Variants in CNTN6 observed in about 807,000 individuals in gnomAD.
The protein encoded by CNTN6 is contactin-6.
CNTN6 carries 137 observed loss-of-function variants against 122.8 expected under a neutral mutation model. That is an observed-to-expected ratio of 1.12 (90% CI 0.97 to 1.29). The LOEUF (loss-of-function observed/expected upper bound fraction) is 1.29. CNTN6 is among the 50% of genes most tolerant of loss of function. The probability of loss-of-function intolerance (pLI) is 0.00; values close to 1 mark genes in which losing one functional copy is unlikely to be tolerated. For synonymous variants in CNTN6, 570 were observed against 426.0 expected (o/e 1.34, Z -4.16); for missense variants, 1,634 against 1,223.4 (o/e 1.34, Z -5.01).
intron 1 of CNTN6, among the ~76,000 whole-genome samples, chr3:1,102,166 T>A (rs957794092): frequency 1.3e-5 from 2 of 152,196 alleles, no homozygotes; most frequent in Non-Finnish European, 2.9e-5. Flanking sequence ...TTTCAATGCC[T>A]TTTTTGCATA....
chr3:1,249,336 G>C (rs558926904), intron 4 of CNTN6, among the ~76,000 whole-genome samples: 2 of 152,162 alleles, frequency 1.3e-5, no homozygotes, highest in Non-Finnish European at 2.9e-5. Flanking sequence ...TCAAACATAA[G>C]TGCAAGCAGT....
At chr3:1,166,612 A>G (rs2093254769) in intron 2 of CNTN6, among the ~76,000 whole-genome samples, 3 of 152,174 alleles carry the variant, frequency 2.0e-5, no homozygotes, top group Admixed American at 2.0e-4. Flanking sequence ...ATCTATCAGT[A>G]GGGCTAGGGA....
chr3:1,176,199 A>G (rs979238327), intron 2 of CNTN6, among the ~76,000 whole-genome samples: 7 of 152,156 alleles, frequency 4.6e-5, no homozygotes, highest in African/African-American at 1.7e-4. Context: ...GGGCGGATCA[A>G]CTAAGGTCGG....
At chr3:1,401,343 A>G in intron 20 of CNTN6, 90 bp from the exon 21 acceptor site, 1 of 1,004,608 alleles carries the variant, frequency 1.0e-6, no homozygotes, top group Admixed American at 2.2e-5. Context: ...CAAATCATCG[A>G]AGACTTATTT....
At chr3:1,168,557 A>T (rs1200659539) in intron 2 of CNTN6, among the ~76,000 whole-genome samples, 1 of 151,582 alleles carries the variant, frequency 6.6e-6, no homozygotes, top group Non-Finnish European at 1.5e-5. Flanking sequence ...TATAGTCACA[A>T]ATATGTGCAA....
At chr3:1,164,015 T>C (rs1018398546) in intron 2 of CNTN6, among the ~76,000 whole-genome samples, 1 of 152,352 alleles carries the variant, frequency 6.6e-6, no homozygotes, top group Non-Finnish European at 1.5e-5. Flanking sequence ...TCAGAATTTC[T>C]CTTCCCTATC....
chr3:1,171,683 T>G (rs1174776343), intron 2 of CNTN6, among the ~76,000 whole-genome samples: 2 of 152,148 alleles, frequency 1.3e-5, no homozygotes, highest in African/African-American at 4.8e-5. Flanking sequence ...ACAAATTCAT[T>G]GCAGCCTCGA....
At chr3:1,264,452 C>A (rs2094895447) in intron 4 of CNTN6, among the ~76,000 whole-genome samples, 2 of 152,160 alleles carry the variant, frequency 1.3e-5, no homozygotes, top group South Asian at 2.1e-4. Flanking sequence ...CTTTGAGGAG[C>A]AGCCACATAG....
chr3:1,383,274 G>A lies in CNTN6; in HGVS notation c.2402-19G>A. The stretch of plus-strand genomic sequence containing the variant: ...GAACCACTCTGCTAAAGATGGTTAT[G>A]TCTTTCTCTGGATGGTAGAACCTCA... On this transcript the variant is annotated intron_variant, in intron 18 of 22. Coordinates refer to ENST00000446702, the MANE Select transcript of CNTN6 (RefSeq NM_001289080.2). 6.2e-7 allele frequency: 1 copy of A among 1,604,942 alleles called. No homozygotes were observed. The highest frequency in any genetic ancestry group is 8.5e-7 in the Non-Finnish European group (1 of 1,171,708).
intron 1 of CNTN6, among the ~76,000 whole-genome samples, chr3:1,098,731 GTC>G (rs1335375874): frequency 1.5e-5 from 2 of 135,912 alleles, no homozygotes; most frequent in Non-Finnish European, 3.1e-5. Flanking sequence ...TGTTACATAA[GTC>G]TTTGAATTCT....
At chr3:1,297,638 CTTTT>C (rs71303106) in intron 6 of CNTN6, among the ~76,000 whole-genome samples, 1 of 138,544 alleles carries the variant, frequency 7.2e-6, no homozygotes, top group Non-Finnish European at 1.6e-5. Context: ...TTGTTTTTTT[CTTTT>C]TTTTTTTTTT....
At chr3:1,389,857 T>C (rs1169179365) in intron 20 of CNTN6, among the ~76,000 whole-genome samples, 3 of 151,598 alleles carry the variant, frequency 2.0e-5, no homozygotes, top group African/African-American at 7.3e-5. Context: ...CAAGAAGAGC[T>C]AACTATCCTA....
At chr3:1,375,401 C>A (rs146969879) in intron 16 of CNTN6, among the ~76,000 whole-genome samples, 1 of 152,056 alleles carries the variant, frequency 6.6e-6, no homozygotes, top group African/African-American at 2.4e-5. Flanking sequence ...CTGAGTCTCT[C>A]GTCTCTCCCT....
Position 1,403,367 on chromosome 3 carries a change from T to C in CNTN6, c.3036T>C (p.Leu1012=). Reference sequence around the variant, plus strand: ...TCTTAGAACCTAGCACCCATTTTCTTTCCATTGTCATTGTGATTTTTCACT... The same window carrying C: ...TCTTAGAACCTAGCACCCATTTTCTCTCCATTGTCATTGTGATTTTTCACT... ...IQFLEPSTHF[L]SIVIVIFHCF... is the part of the protein sequence containing the mutation. Residue 1012 remains leucine, a synonymous_variant, in exon 23 of 23, where the codon CTT becomes CTC. Coordinates refer to ENST00000446702, the MANE Select transcript of CNTN6 (RefSeq NM_001289080.2). The C allele has an allele frequency of 6.2e-7, 1 of 1,611,836 alleles. No homozygotes were observed. The highest frequency in any genetic ancestry group is 8.5e-7 in the Non-Finnish European group (1 of 1,178,864).
intron 12 of CNTN6, among the ~76,000 whole-genome samples, chr3:1,363,771 A>G (rs1161384228): frequency 6.6e-6 from 1 of 151,948 alleles, no homozygotes; most frequent in Non-Finnish European, 1.5e-5. Context: ...CTTTGGATAT[A>G]TATCCACAAG....
At chr3:1,179,409 T>C (rs2093513820) in intron 2 of CNTN6, among the ~76,000 whole-genome samples, 1 of 152,160 alleles carries the variant, frequency 6.6e-6, no homozygotes, top group African/African-American at 2.4e-5. Context: ...CTGGAGGCTT[T>C]TCAGCCCGGG....
chr3:1,152,661 T>C (rs17028959), intron 2 of CNTN6, among the ~76,000 whole-genome samples: 1,881 of 152,296 alleles, frequency 0.012, 38 homozygotes, highest in African/African-American at 0.043. Flanking sequence ...ATGGCTTTTA[T>C]GTACAATTTG....
At chr3:1,144,623 G>C (rs181798201) in intron 1 of CNTN6, among the ~76,000 whole-genome samples, 70 of 134,034 alleles carry the variant, frequency 5.2e-4, no homozygotes, top group Admixed American at 4.4e-3. Context: ...AAAGAATGAA[G>C]GGGCTTGGGG....
chr3:1,120,777 C>A (rs965291489), intron 1 of CNTN6, among the ~76,000 whole-genome samples: 70 of 151,910 alleles, frequency 4.6e-4, no homozygotes, highest in African/African-American at 1.5e-3. Flanking sequence ...ACTCTGTGAT[C>A]TATTTAAAAT....
Sources: gnomAD v4.1 joint callset for allele counts (sites outside exome capture counted in the v4.1 genomes callset) on GRCh38, gnomAD v4.1.1 for gene constraint, MANE v1.5 for transcripts, NCBI Gene and HGNC (gene_info 2026-07-23, HGNC 2026-07-21) for gene names.